RAB3GAP1: variants seen among roughly 807,000 people sequenced by gnomAD.
RAB3GAP1 encodes rab3 GTPase-activating protein catalytic subunit.
RAB3GAP1 carries 86 observed loss-of-function variants against 130.7 expected under a neutral mutation model. The observed-to-expected ratio is 0.66, with a 90% CI of 0.55 to 0.79. RAB3GAP1 has a LOEUF of 0.79. Ranked by LOEUF, RAB3GAP1 falls within the 30% of genes least tolerant of loss-of-function variation. The pLI is 0.00. For synonymous variants in RAB3GAP1, 367 were observed against 401.7 expected, an observed-to-expected ratio of 0.91 and a Z score of 1.03; for missense variants, 1,029 against 1,169.4, an observed-to-expected ratio of 0.88 and a Z score of 1.75.
intron 18 of RAB3GAP1, 102 bp from the exon 19 acceptor site, chr2:135,153,547 A>G (rs1692229521): frequency 1.9e-6 from 2 of 1,074,388 alleles, no homozygotes. Flanking sequence ...TTAGATTGTA[A>G]AGATTAGATA....
chr2:135,168,584 A>C lies in RAB3GAP1; in HGVS notation c.2749A>C (p.Met917Leu), dbSNP rs754975466. Reference sequence around the variant, plus strand: ...TCCACCAGAGGAGGAATTGAAGAGAATGGGCTCCCCAGAGGAAAGAAGGCA... The same window carrying C: ...TCCACCAGAGGAGGAATTGAAGAGACTGGGCTCCCCAGAGGAAAGAAGGCA... The part of the protein sequence containing the change: ...MTPPEEELKR[M>L]GSPEERRQNS... The change falls in exon 24 of 24, where the codon ATG becomes CTG. Residue 917 changes from methionine to leucine, a missense_variant. Physicochemically the swap from Met to Leu is conservative, Grantham distance 15 (BLOSUM62 2). Coordinates refer to ENST00000264158, the MANE Select transcript of RAB3GAP1 (RefSeq NM_012233.3). 7 of 1,614,086 alleles carry C rather than the reference A, an allele frequency of 4.3e-6. No homozygotes were observed. The Admixed American group carries it at 6.7e-5, about 15-fold the overall frequency.
intron 7 of RAB3GAP1, among the ~76,000 whole-genome samples, chr2:135,117,809 T>TTCTTTC (rs1553445371): frequency 2.7e-5 from 3 of 110,324 alleles, no homozygotes; most frequent in East Asian, 2.4e-4. Flanking sequence ...CTTCTTCTTC[T>TTCTTTC]TTCTTCTTCT....
chr2:135,147,345 CAAAA>C (rs34677841), intron 17 of RAB3GAP1, among the ~76,000 whole-genome samples: 1 of 84,044 alleles, frequency 1.2e-5, no homozygotes, highest in African/African-American at 4.5e-5. Flanking sequence ...GACTCTGTCT[CAAAA>C]AAAAAAAAAA....
chr2:135,150,027 A>G (rs1692128852), intron 17 of RAB3GAP1, among the ~76,000 whole-genome samples: 1 of 152,120 alleles, frequency 6.6e-6, no homozygotes, highest in African/African-American at 2.4e-5. Flanking sequence ...GCAGCTAGTG[A>G]TGACATATAT....
chr2:135,063,855 A>C (rs1689245618), intron 3 of RAB3GAP1, among the ~76,000 whole-genome samples: 1 of 152,152 alleles, frequency 6.6e-6, no homozygotes, highest in African/African-American at 2.4e-5. Context: ...GAATTGCTGA[A>C]TTATTTGATG....
chr2:135,160,488 ATAGTGAAAC>A (rs1692435565), intron 19 of RAB3GAP1, among the ~76,000 whole-genome samples: 1 of 152,016 alleles, frequency 6.6e-6, no homozygotes, highest in Admixed American at 6.6e-5. Flanking sequence ...CCTGGCCAAC[ATAGTGAAAC>A]TCCGTCTTTA....
At chr2:135,098,967 T>C (rs548047248) in intron 5 of RAB3GAP1, among the ~76,000 whole-genome samples, 1 of 152,336 alleles carries the variant, frequency 6.6e-6, no homozygotes, top group East Asian at 1.9e-4. Flanking sequence ...TCACTGTCTC[T>C]GAATATGGAT....
Position 135,130,097 on chromosome 2 carries a change from A to ATT in RAB3GAP1, c.1066+18_1066+19dup. The ATT allele has an allele frequency of 6.3e-7, 1 of 1,578,488 alleles. No homozygotes were observed. The highest frequency in any genetic ancestry group is 8.7e-7 in the Non-Finnish European group (1 of 1,150,984). ...GAGGAAGAAGGCAAAGGTAACCTACATTTTTTTTTAACATTACTTTCAAAT... is the reference window on the plus strand; with the variant it reads ...GAGGAAGAAGGCAAAGGTAACCTACATTTTTTTTTTTAACATTACTTTCAAAT... On this transcript the variant is annotated intron_variant, in intron 12 of 23. Coordinates refer to ENST00000264158, the MANE Select transcript of RAB3GAP1 (RefSeq NM_012233.3).
chr2:135,087,473 G>T (rs1365406517), intron 3 of RAB3GAP1, among the ~76,000 whole-genome samples: 4 of 152,086 alleles, frequency 2.6e-5, no homozygotes, highest in African/African-American at 9.7e-5. Context: ...AGATTAACTT[G>T]GGGAGAACTG....
chr2:135,169,422 A>G lies in RAB3GAP1; in HGVS notation c.*641A>G, dbSNP rs1157242724. 2 of 180,510 alleles carry G rather than the reference A, an allele frequency of 1.1e-5. No homozygotes were observed. The highest frequency in any genetic ancestry group is 5.7e-5 in the Admixed American group (1 of 17,640). The allele number at this position is 180,510 out of a possible 1,614,324, so 11.2% of individuals were successfully genotyped here. A position where few individuals can be genotyped will look rare whatever the true frequency, so the allele number is the denominator to read the frequency against. Reference sequence around the variant, plus strand: ...ACCTAAATGTATTACTTCTGATAAAACTATATATCAAATGTCACTGCAAAT... The same window carrying G: ...ACCTAAATGTATTACTTCTGATAAAGCTATATATCAAATGTCACTGCAAAT... On this transcript the variant is annotated 3_prime_UTR_variant, in exon 24 of 24. Transcript: ENST00000264158.
chr2:135,080,488 T>G (rs1175542536), intron 3 of RAB3GAP1, among the ~76,000 whole-genome samples: 1 of 152,304 alleles, frequency 6.6e-6, no homozygotes, highest in East Asian at 1.9e-4. Context: ...TTTTGACTGC[T>G]AAGGTAGGCC....
chr2:135,110,519 T>C (rs931761286), intron 5 of RAB3GAP1, among the ~76,000 whole-genome samples: 1 of 152,162 alleles, frequency 6.6e-6, no homozygotes, highest in Non-Finnish European at 1.5e-5. Flanking sequence ...TATCAATAGA[T>C]AGAGGAAAGA....
chr2:135,074,103 C>A (rs1689553255), intron 3 of RAB3GAP1, among the ~76,000 whole-genome samples: 1 of 152,148 alleles, frequency 6.6e-6, no homozygotes, highest in Admixed American at 6.5e-5. Context: ...GGTGCTCAAT[C>A]CAGGTAGGAG....
At chr2:135,136,274 C>T (rs1691677954) in intron 17 of RAB3GAP1, among the ~76,000 whole-genome samples, 1 of 151,896 alleles carries the variant, frequency 6.6e-6, no homozygotes, top group Non-Finnish European at 1.5e-5. Flanking sequence ...TGCAGTGAGC[C>T]GAGATTGCAC....
In RAB3GAP1 at chr2:135,135,723, G is replaced by A. The variant is rs370638150; in HGVS notation, c.1714G>A (p.Gly572Arg). ...KETDKEKGEVGKSWDSWSDSE... is the reference protein window; with the variant it reads ...KETDKEKGEVRKSWDSWSDSE... ...AACAGATAAGGAAAAGGGAGAGGTA[G>A]GAAAATCTTGGGATTCCTGGAGTGA... The change falls in exon 17 of 24, where the codon GGA becomes AGA. Residue 572 changes from glycine (G) to arginine (R), a missense_variant. Around this residue, in one of 3 missense-constraint regions of RAB3GAP1, gnomAD observed 373 missense variants for 493.6 expected, o/e 0.76. Transcript: ENST00000264158. 1.2e-5 allele frequency: 20 copies of A among 1,613,868 alleles called. No homozygotes were observed. Among genetic ancestry groups the A allele is most frequent in the Non-Finnish European group, 1.4e-5 (17 of 1,179,950 alleles).
At chr2:135,128,853 TTATAA>T (rs1691432954) in intron 11 of RAB3GAP1, among the ~76,000 whole-genome samples, 1 of 152,190 alleles carries the variant, frequency 6.6e-6, no homozygotes, top group African/African-American at 2.4e-5. Flanking sequence ...TTACCTCTGT[TTATAA>T]TATGACAGAC....
At chr2:135,137,269 T>A in intron 17 of RAB3GAP1, 1 of 396,014 alleles carries the variant, frequency 2.5e-6, no homozygotes, top group South Asian at 1.9e-5. Context: ...TTAAAGGTAT[T>A]GGCGTATTCC....
intron 3 of RAB3GAP1, among the ~76,000 whole-genome samples, chr2:135,081,369 C>CAG (rs1689814523): frequency 1.2e-5 from 1 of 85,632 alleles, no homozygotes; most frequent in Admixed American, 1.5e-4. Flanking sequence ...TATACACACA[C>CAG]GTGTGTGTGT....
intron 19 of RAB3GAP1, among the ~76,000 whole-genome samples, chr2:135,162,255 C>T (rs1355291197): frequency 6.6e-6 from 1 of 152,040 alleles, no homozygotes; most frequent in Non-Finnish European, 1.5e-5. Flanking sequence ...GCTCCACTGT[C>T]AATGGTTGTT....
Sources: gnomAD v4.1 joint callset for allele counts (sites outside exome capture counted in the v4.1 genomes callset) on GRCh38, gnomAD v4.1.1 for gene constraint, gnomAD v4.1.1 regional missense constraint, MANE v1.5 for transcripts, NCBI Gene and HGNC (gene_info 2026-07-23, HGNC 2026-07-21) for gene names.